ZNG1A: variants seen among roughly 807,000 people sequenced by gnomAD.
ZNG1A encodes the protein Zn regulated GTPase metalloprotein activator 1A, also known as zinc-regulated GTPase metalloprotein activator 1A.
chr9:166,885 A>T, the ZNG1A span: 3 of 152,114 alleles, frequency 2.0e-5, no homozygotes, highest in Admixed American at 2.0e-4. Context: ...AACAAAAGAA[A>T]ATTCAGTATT....
the ZNG1A span, chr9:154,832 A>C: frequency 7.1e-7 from 1 of 1,415,752 alleles, no homozygotes; most frequent in South Asian, 1.2e-5. Flanking sequence ...AGAAACTTTA[A>C]ATAATATACA....
chr9:150,985 TA>T, the ZNG1A span: 1 of 984,556 alleles, frequency 1.0e-6, no homozygotes, highest in Non-Finnish European at 1.2e-6. Context: ...GGAGAAAAAT[TA>T]AGGAGAAAGG....
the ZNG1A span, chr9:172,151 A>C: frequency 6.2e-7 from 1 of 1,611,260 alleles, no homozygotes; most frequent in Admixed American, 1.7e-5. Flanking sequence ...TCAAATTCTC[A>C]ATAGCTCTAA....
At chr9:135,261 A>G in the ZNG1A span, among the ~76,000 whole-genome samples, 1 of 150,580 alleles carries the variant, frequency 6.6e-6, no homozygotes, top group Non-Finnish European at 1.5e-5. Flanking sequence ...ACATATGCAC[A>G]GAATAAAGAG....
At chr9:156,617 T>A in the ZNG1A span, 1 of 1,309,968 alleles carries the variant, frequency 7.6e-7, no homozygotes, top group Non-Finnish European at 1.1e-6. Flanking sequence ...GACATTTTCT[T>A]GCATCTAATA....
chr9:174,861 G>A, the ZNG1A span, among the ~76,000 whole-genome samples: 1 of 150,416 alleles, frequency 6.6e-6, no homozygotes, highest in East Asian at 1.9e-4. Flanking sequence ...TTTGACTACA[G>A]TTTAATATTT....
the ZNG1A span, among the ~76,000 whole-genome samples, chr9:127,322 T>A: frequency 6.6e-6 from 1 of 152,112 alleles, no homozygotes; most frequent in Non-Finnish European, 1.5e-5. Flanking sequence ...GTCTAATTTT[T>A]TAGGTCTATT....
chr9:151,291 G>C, the ZNG1A span: 1 of 982,912 alleles, frequency 1.0e-6, no homozygotes, highest in Non-Finnish European at 1.2e-6. Context: ...TGCCATAGCA[G>C]ACAAGCCACT....
chr9:146,903 C>A, the ZNG1A span: 3 of 152,204 alleles, frequency 2.0e-5, no homozygotes, highest in African/African-American at 7.3e-5. Context: ...AGGCCGGGCG[C>A]GGTGGCTCAT....
chr9:171,983 A>G, the ZNG1A span: 2 of 1,589,278 alleles, frequency 1.3e-6, no homozygotes, highest in Non-Finnish European at 8.6e-7. Flanking sequence ...TTTAATACTA[A>G]CAAAAGCTTT....
chr9:135,703 C>T, the ZNG1A span, among the ~76,000 whole-genome samples: 3 of 114,650 alleles, frequency 2.6e-5, no homozygotes, highest in East Asian at 3.5e-4. Context: ...GACTGAAAAC[C>T]TTGCAGATGC....
the ZNG1A span, among the ~76,000 whole-genome samples, chr9:174,487 A>C: frequency 3.3e-5 from 5 of 152,170 alleles, no homozygotes; most frequent in Non-Finnish European, 7.4e-5. Flanking sequence ...GTGAAAAATA[A>C]AATTGCAAAA....
the ZNG1A span, chr9:166,948 T>C: frequency 1.1e-3 from 173 of 152,216 alleles, no homozygotes; most frequent in African/African-American, 3.8e-3. Context: ...CAAAAAAAAG[T>C]ATTCATGGTA....
chr9:169,853 G>GTTTTTTTTT, the ZNG1A span, among the ~76,000 whole-genome samples: 1 of 96,752 alleles, frequency 1.0e-5, no homozygotes, highest in African/African-American at 3.7e-5. Context: ...TATAAACACA[G>GTTTTTTTTT]CTTTTTTTTT....
chr9:137,620 G>A, the ZNG1A span, among the ~76,000 whole-genome samples: 2 of 150,844 alleles, frequency 1.3e-5, no homozygotes, highest in African/African-American at 4.9e-5. Context: ...GAAAAGTTAG[G>A]ATGGGCTAGA....
chr9:124,962 G>A, the ZNG1A span, among the ~76,000 whole-genome samples: 1 of 152,246 alleles, frequency 6.6e-6, no homozygotes, highest in South Asian at 2.1e-4. Context: ...ATTGATTGAT[G>A]GGCCTTTGGG....
chr9:139,090 T>G, the ZNG1A span, among the ~76,000 whole-genome samples: 3 of 147,834 alleles, frequency 2.0e-5, no homozygotes, highest in African/African-American at 7.8e-5. Context: ...GCAGCATTAT[T>G]TGCAATAGCC....
the ZNG1A span, among the ~76,000 whole-genome samples, chr9:175,237 G>C: frequency 2.6e-5 from 4 of 152,022 alleles, no homozygotes; most frequent in African/African-American, 9.7e-5. Context: ...AATTATCTGG[G>C]CATGGTGGCG....
At chr9:122,389 T>C in the ZNG1A span, 1 of 1,161,208 alleles carries the variant, frequency 8.6e-7, no homozygotes. Flanking sequence ...AACCAAAACC[T>C]GAAACAAAAT....
Sources: allele counts gnomAD v4.1 joint callset (sites outside exome capture counted in the v4.1 genomes callset), GRCh38; gene constraint gnomAD v4.1.1; transcripts MANE v1.5; gene names NCBI Gene and HGNC (gene_info 2026-07-23, HGNC 2026-07-21).